Variants in CNTNAP2 observed in about 807,000 individuals in gnomAD.
The protein encoded by CNTNAP2 is contactin associated protein 2, also known as contactin-associated protein-like 2.
Under a neutral mutation model 155.2 loss-of-function variants are expected in CNTNAP2, and 98 were observed. The ratio of observed to expected loss-of-function variants is 0.63; its 90% CI spans 0.54 to 0.75. The LOEUF (loss-of-function observed/expected upper bound fraction) is 0.75, where lower values mean the gene tolerates loss of function less well. CNTNAP2 is among the 30% of genes least tolerant of loss of function. The probability of loss-of-function intolerance (pLI) is 0.00; values close to 1 mark genes in which losing one functional copy is unlikely to be tolerated. For missense variants in CNTNAP2, 1,727 were observed against 1,688.1 expected (o/e 1.02, Z -0.40); for synonymous variants, 651 against 631.2 (o/e 1.03, Z -0.47).
chr7:148,218,585 G>A (rs962454672), intron 19 of CNTNAP2, among the ~76,000 whole-genome samples: 5 of 151,978 alleles, frequency 3.3e-5, no homozygotes, highest in African/African-American at 9.7e-5. Context: ...TAGAGTTGGG[G>A]GTCTCACGAT....
chr7:147,866,028 T>C (rs1446352542), intron 13 of CNTNAP2, among the ~76,000 whole-genome samples: 1 of 152,224 alleles, frequency 6.6e-6, no homozygotes, highest in Non-Finnish European at 1.5e-5. Context: ...ATGTCGATTT[T>C]AGATCTTTCC....
chr7:147,469,319 A>G (rs978335644), intron 10 of CNTNAP2, among the ~76,000 whole-genome samples: 3 of 152,010 alleles, frequency 2.0e-5, no homozygotes, highest in African/African-American at 7.2e-5. Context: ...GCTTTACTAA[A>G]TCTTTCCTTT....
chr7:148,154,567 C>A (rs1212869113), intron 17 of CNTNAP2, among the ~76,000 whole-genome samples: 1 of 152,080 alleles, frequency 6.6e-6, no homozygotes, highest in Non-Finnish European at 1.5e-5. Flanking sequence ...AAATAGAATT[C>A]TAATAATGAA....
At chr7:146,869,616 G>C (rs1008420169) in intron 3 of CNTNAP2, among the ~76,000 whole-genome samples, 1 of 152,160 alleles carries the variant, frequency 6.6e-6, no homozygotes, top group African/African-American at 2.4e-5. Flanking sequence ...GAAGCCAACA[G>C]TGCAGTCTTC....
chr7:147,498,082 C>T (rs1042296280), intron 11 of CNTNAP2, among the ~76,000 whole-genome samples: 1 of 151,656 alleles, frequency 6.6e-6, no homozygotes, highest in African/African-American at 2.4e-5. Flanking sequence ...AAGTAGGAAA[C>T]TCCAGACAGC....
chr7:146,496,443 A>G (rs1797216259), intron 1 of CNTNAP2, among the ~76,000 whole-genome samples: 1 of 152,246 alleles, frequency 6.6e-6, no homozygotes, highest in African/African-American at 2.4e-5. Context: ...GTTTATGGCT[A>G]TTAAAAACAA....
In CNTNAP2 at chr7:146,609,454, C is replaced by A. The variant is rs573126550; in HGVS notation, c.98-164817C>A. On this transcript the variant is annotated intron_variant, in intron 1 of 23. Transcript: ENST00000361727. ...CCCAATACTGCACTGTTATAGTATT[C>A]TGCTGTGAATACTGTGACTACTAAT... is the stretch of plus-strand genomic sequence containing the variant. 3.9e-5 allele frequency among the ~76,000 whole-genome samples: 6 copies of A among 152,274 alleles called. No homozygotes were observed. The East Asian group carries it at 9.6e-4, about 24-fold the overall frequency.
intron 3 of CNTNAP2, among the ~76,000 whole-genome samples, chr7:146,969,798 G>A (rs1054944446): frequency 3.3e-5 from 5 of 152,060 alleles, no homozygotes; most frequent in African/African-American, 1.2e-4. Context: ...CACGCTACCT[G>A]ACTTCAAACT....
chr7:148,415,298 G>C, intron 23 of CNTNAP2, 119 bp from the exon 24 acceptor site: 1 of 1,008,066 alleles, frequency 9.9e-7, no homozygotes, highest in Non-Finnish European at 1.5e-6. Context: ...TTGTTGTTTT[G>C]GAGGTTGTGT....
At chr7:147,671,558 A>G (rs1795787033) in intron 13 of CNTNAP2, among the ~76,000 whole-genome samples, 1 of 152,180 alleles carries the variant, frequency 6.6e-6, no homozygotes, top group South Asian at 2.1e-4. Context: ...TAGACTTTAT[A>G]ATGAGAATTA....
chr7:146,976,223 G>A (rs61257282), intron 3 of CNTNAP2, among the ~76,000 whole-genome samples: 3 of 152,340 alleles, frequency 2.0e-5, no homozygotes, highest in East Asian at 1.9e-4. Flanking sequence ...CACAGAAGGC[G>A]TCTGTGTGTG....
intron 21 of CNTNAP2, among the ~76,000 whole-genome samples, chr7:148,369,601 TACTC>T (rs547429440): frequency 1.4e-3 from 212 of 151,712 alleles, no homozygotes; most frequent in African/African-American, 4.9e-3. Context: ...AATCTGCTAA[TACTC>T]AGGAAATGGG....
chr7:146,610,424 G>C (rs112364265), intron 1 of CNTNAP2, among the ~76,000 whole-genome samples: 53 of 152,208 alleles, frequency 3.5e-4, no homozygotes, highest in Non-Finnish European at 7.4e-4. Context: ...CTTTGTGTTT[G>C]TGTGTGCAAA....
intron 9 of CNTNAP2, among the ~76,000 whole-genome samples, chr7:147,371,474 G>C (rs826808): frequency 0.33 from 50,641 of 151,978 alleles, 9,301 homozygotes; most frequent in East Asian, 0.7. Context: ...CCTTTGCTTT[G>C]ACTGCACAGA....
chr7:146,508,936 C>A (rs1318856830), intron 1 of CNTNAP2, among the ~76,000 whole-genome samples: 1 of 152,124 alleles, frequency 6.6e-6, no homozygotes, highest in Non-Finnish European at 1.5e-5. Context: ...AGAAGGAGTA[C>A]CTTCCCCCTT....
chr7:147,919,396 C>T (rs952451128), intron 14 of CNTNAP2, among the ~76,000 whole-genome samples: 10 of 151,534 alleles, frequency 6.6e-5, no homozygotes, highest in East Asian at 1.9e-4. Context: ...GATCCTCCCA[C>T]GTCAGCCTCC....
chr7:147,388,563 T>G (rs1796658938), intron 9 of CNTNAP2, among the ~76,000 whole-genome samples: 1 of 151,222 alleles, frequency 6.6e-6, no homozygotes, highest in Non-Finnish European at 1.5e-5. Context: ...GCAAACCCAC[T>G]GGGTTCATTC....
At chr7:147,833,129 T>G (rs1249179494) in intron 13 of CNTNAP2, among the ~76,000 whole-genome samples, 1 of 148,414 alleles carries the variant, frequency 6.7e-6, no homozygotes, top group African/African-American at 2.4e-5. Context: ...TTTCTTAGGT[T>G]TTTTTTTTTT....
intron 3 of CNTNAP2, among the ~76,000 whole-genome samples, chr7:147,029,258 G>A (rs961012638): frequency 3.3e-5 from 5 of 152,032 alleles, no homozygotes; most frequent in African/African-American, 7.2e-5. Flanking sequence ...CCACTGCGCC[G>A]GGCCTAAGAT....
Sources: allele counts gnomAD v4.1 joint callset (sites outside exome capture counted in the v4.1 genomes callset), GRCh38; gene constraint gnomAD v4.1.1; transcripts MANE v1.5; gene names NCBI Gene and HGNC (gene_info 2026-07-23, HGNC 2026-07-21).